Variants in LRRC9 observed in about 807,000 individuals in gnomAD.
LRRC9 encodes leucine-rich repeat-containing protein 9.
LRRC9 carries 122 observed loss-of-function variants against 63.2 expected under a neutral mutation model. The ratio of observed to expected loss-of-function variants is 1.93; its 90% CI spans 1.67 to 2.24. LRRC9 has a LOEUF of 2.24. Ranked by LOEUF, LRRC9 falls within the 30% of genes most tolerant of loss-of-function variation. LRRC9 has a pLI of 0.00. For synonymous variants in LRRC9, 366 were observed against 213.1 expected (o/e 1.72, Z -6.25); for missense variants, 1,071 against 627.7 (o/e 1.71, Z -7.55).
rs140525122 is a variant in LRRC9, at chr14:60,053,383, T to TCACACACACACA, written c.4131+205_4131+216dup. Among the ~76,000 whole-genome samples the TCACACACACACA allele has an allele frequency of 1.7e-4, 15 of 85,720 alleles. No homozygotes were observed. The highest frequency in any genetic ancestry group is 4.6e-4 in the Admixed American group (3 of 6,478). 56.2% of individuals were successfully genotyped at this position (85,720 alleles called of 152,430 possible). A position where few individuals can be genotyped will look rare whatever the true frequency, so the allele number is the denominator to read the frequency against. On this transcript the variant is annotated intron_variant, in intron 30 of 31. Transcript: ENST00000445360. The surrounding 1 kb of genome is among the most constrained non-coding windows in gnomAD (Gnocchi z 4.8). ...GATTTGGTGAATAGAGCATGCGTGC[T>TCACACACACACA]CACACACACACACACACACACACAC...
intron 29 of LRRC9, among the ~76,000 whole-genome samples, chr14:60,035,756 A>C (rs1163395591): frequency 6.6e-6 from 1 of 152,140 alleles, no homozygotes; most frequent in Non-Finnish European, 1.5e-5. Context: ...TTGTAATAAA[A>C]TTTGAAGTCA....
chr14:59,940,708 T>A (rs562440418), intron 7 of LRRC9, among the ~76,000 whole-genome samples: 1 of 152,264 alleles, frequency 6.6e-6, no homozygotes, highest in African/African-American at 2.4e-5. Flanking sequence ...CCATTTTAAT[T>A]GTTAAGTAGT....
At position 59,927,986 on chromosome 14, in the gene LRRC9, G is replaced by A. The variant is rs530100468; in HGVS notation, c.43G>A (p.Glu15Lys). The A allele has an allele frequency of 1.3e-4, 90 of 682,726 alleles. No individual in the cohort carries two copies. Among genetic ancestry groups the A allele is most frequent in the Admixed American group, 1.1e-3 (50 of 46,738 alleles). The allele number at this position is 682,726 out of a possible 1,614,324, so 42.3% of individuals were successfully genotyped here. The change falls in exon 2 of 32, where the codon GAA becomes AAA. Residue 15 changes from glutamate (E) to lysine (K), a missense_variant. Physicochemically the swap from Glu to Lys is moderately conservative, Grantham distance 56. Coordinates refer to ENST00000445360, the Ensembl canonical transcript of LRRC9. The surrounding 1 kb of genome is among the most constrained non-coding windows in gnomAD (Gnocchi z 4.4). ...CCTAAACCAAGAAGAAATAATTAAA[G>A]AACTGGTGAGTCAAAGTCAAATTTC... is the stretch of plus-strand genomic sequence containing the variant.
chr14:59,980,825 C>T lies in LRRC9; in HGVS notation c.1879-1023C>T, dbSNP rs542370786. On this transcript the variant is annotated intron_variant, in intron 15 of 31. Coordinates refer to ENST00000445360, the Ensembl canonical transcript of LRRC9. ...AACAGATAGAAGTTCATTTAACTCA[C>T]ATAACAACTCAAGAGATGGGCAATA... 8.8e-4 allele frequency among the ~76,000 whole-genome samples: 134 copies of T among 152,290 alleles called. 1 individual carries two copies. Among genetic ancestry groups the T allele is most frequent in the African/African-American group, 3.2e-3 (131 of 41,564 alleles).
In LRRC9 at chr14:60,060,679, T is replaced by G. The variant is rs893765226; in HGVS notation, c.4277-2644T>G. Among the ~76,000 whole-genome samples, 2 of 152,154 alleles carry G rather than the reference T, an allele frequency of 1.3e-5. No homozygotes were observed. Among genetic ancestry groups the G allele is most frequent in the African/African-American group, 4.8e-5 (2 of 41,440 alleles). On this transcript the variant is annotated intron_variant, in intron 31 of 31. Transcript: ENST00000445360. This position sits in a 1 kb window ranked among gnomAD's most constrained non-coding sequence, Gnocchi z 4.0. ...TGGCATGAACCTGGGAGGCGGAGCT[T>G]GCAGTGAACCGAGATCGCGCCACTG...
At chr14:59,975,831 C>T (rs1009648572) in intron 13 of LRRC9, among the ~76,000 whole-genome samples, 4 of 152,142 alleles carry the variant, frequency 2.6e-5, no homozygotes, top group African/African-American at 2.4e-5. Context: ...CTCAACCATC[C>T]GACCTACTAA....
chr14:59,984,195 C>A (rs149231835), intron 16 of LRRC9, among the ~76,000 whole-genome samples: 171 of 152,262 alleles, frequency 1.1e-3, no homozygotes, highest in African/African-American at 3.8e-3. Flanking sequence ...ATGGATGATA[C>A]CCATATGTGA....
In LRRC9 at chr14:59,967,274, GT is replaced by G. The variant is rs2140002776; in HGVS notation, c.1506+63del. ...CCTAGCAAGTGGAGCTCTGCCGCTG[GT>G]TAAGCATGATTTCCCAATCCTTTTA... On this transcript the variant is annotated intron_variant, in intron 12 of 31. Coordinates refer to ENST00000445360, the Ensembl canonical transcript of LRRC9. 10 of 506,146 alleles carry G rather than the reference GT, an allele frequency of 2.0e-5. No individual in the cohort carries two copies. In the South Asian group the frequency reaches 3.3e-4, roughly 17 times the overall value. The allele number at this position is 506,146 out of a possible 1,614,324, so 31.4% of individuals were successfully genotyped here.
rs189311591 is a variant in LRRC9 at position 59,968,691 on chromosome 14, G to A, written c.1506+1478G>A. 6.0e-4 allele frequency among the ~76,000 whole-genome samples: 91 copies of A among 152,258 alleles called. 1 individual carries two copies. The highest frequency in any genetic ancestry group is 1.9e-3 in the African/African-American group (81 of 41,554). ...AAGGCAGAGTGAATTGCTCACATTC[G>A]GTCCAGAGAACTATGAACCATTATC... On this transcript the variant is annotated intron_variant, in intron 12 of 31. Coordinates refer to ENST00000445360, the Ensembl canonical transcript of LRRC9.
intron 29 of LRRC9, 107 bp downstream of exon 29, chr14:60,032,170 T>A (rs79057371): frequency 6.9e-6 from 4 of 577,368 alleles, no homozygotes; most frequent in Non-Finnish European, 1.2e-5. Flanking sequence ...TCTGTATGCA[T>A]AGCCAGTCAT....
At chr14:59,965,423 T>G (rs766639561) in intron 10 of LRRC9, among the ~76,000 whole-genome samples, 47 of 152,174 alleles carry the variant, frequency 3.1e-4, no homozygotes, top group Non-Finnish European at 6.0e-4. Flanking sequence ...TAGGCTTCAT[T>G]AGAGCAGACA....
At chr14:60,025,013 G>A (rs974585667) in intron 27 of LRRC9, among the ~76,000 whole-genome samples, 3 of 151,710 alleles carry the variant, frequency 2.0e-5, no homozygotes, top group South Asian at 2.1e-4. Flanking sequence ...CTTTTTTATG[G>A]CTGTGACAGA....
chr14:60,037,009 T>C lies in LRRC9; in HGVS notation c.3990+4946T>C, dbSNP rs568939986. On this transcript the variant is annotated intron_variant, in intron 29 of 31. Transcript: ENST00000445360. The stretch of plus-strand genomic sequence containing the variant: ...CAATTCCCACCTATGAGTGAGAACA[T>C]GTGGTGTTTGGTTTTCTGTCCTTGC... Among the ~76,000 whole-genome samples, 6 of 152,176 alleles carry C rather than the reference T, an allele frequency of 3.9e-5. No individual in the cohort carries two copies. The South Asian group carries it at 8.3e-4, about 21-fold the overall frequency.
At chr14:60,037,968 T>A (rs1252135822) in intron 29 of LRRC9, among the ~76,000 whole-genome samples, 3 of 152,248 alleles carry the variant, frequency 2.0e-5, no homozygotes, top group Admixed American at 6.5e-5. Flanking sequence ...GGATCCAGTT[T>A]CAGCTTTCTC....
At chr14:59,996,412 A>G (rs906118815) in intron 17 of LRRC9, among the ~76,000 whole-genome samples, 24 of 152,306 alleles carry the variant, frequency 1.6e-4, no homozygotes, top group African/African-American at 5.8e-4. Flanking sequence ...TTCTATCCCA[A>G]CAATAAGAAT....
At position 59,944,578 on chromosome 14, in the gene LRRC9, C is replaced by A. The variant is rs188572301; in HGVS notation, c.727-11C>A. 7 of 542,146 alleles carry A rather than the reference C, an allele frequency of 1.3e-5. No homozygotes were observed. The highest frequency in any genetic ancestry group is 2.0e-5 in the African/African-American group (1 of 50,856). 33.6% of individuals were successfully genotyped at this position (542,146 alleles called of 1,614,324 possible). A position where few individuals can be genotyped will look rare whatever the true frequency, so the allele number is the denominator to read the frequency against. On this transcript the variant is annotated splice_polypyrimidine_tract_variant and intron_variant, in intron 7 of 31. Coordinates refer to ENST00000445360, the Ensembl canonical transcript of LRRC9. Reference sequence around the variant, plus strand: ...TAGCTAATTTTTTGTTGTTTTCTTTCTTACTTTTAGACCACAGCAATGAAA... The same window carrying A: ...TAGCTAATTTTTTGTTGTTTTCTTTATTACTTTTAGACCACAGCAATGAAA...
Position 60,051,539 on chromosome 14 carries a change from C to T in LRRC9, c.3991-1526C>T, listed in dbSNP as rs1442079196. 6.6e-6 allele frequency among the ~76,000 whole-genome samples: 1 copy of T among 152,166 alleles called. No homozygotes were observed. The highest frequency in any genetic ancestry group is 1.5e-5 in the Non-Finnish European group (1 of 68,034). ...GACTCATCCTTCCCCCAGGAACTGC[C>T]TCTGGTTTCAGGCAGACTCAGCCTA... On this transcript the variant is annotated intron_variant, in intron 29 of 31. Transcript: ENST00000445360. This position sits in a 1 kb window ranked among gnomAD's most constrained non-coding sequence, Gnocchi z 4.7.
rs559154193 is a variant in LRRC9, at chr14:60,003,715, A to T, written c.2759A>T (p.Asn920Ile). Residue 920 changes from asparagine (N) to isoleucine (I), a missense_variant, in exon 21 of 32, where the codon AAT becomes ATT. Asn to Ile is a moderately radical substitution (Grantham distance 149). Transcript: ENST00000445360. The surrounding 1 kb of genome is among the most constrained non-coding windows in gnomAD (Gnocchi z 4.2). Reference sequence around the variant, plus strand: ...AAATGGGCATCATTCAGCAATAATAATCTCACTAAAATGGAGGGTCTGGAA... The same window carrying T: ...AAATGGGCATCATTCAGCAATAATATTCTCACTAAAATGGAGGGTCTGGAA... 3.7e-5 allele frequency: 26 copies of T among 697,044 alleles called. No homozygotes were observed. In the East Asian group the frequency reaches 7.0e-4, roughly 19 times the overall value. The allele number at this position is 697,044 out of a possible 1,614,324, so 43.2% of individuals were successfully genotyped here. A position where few individuals can be genotyped will look rare whatever the true frequency, so the allele number is the denominator to read the frequency against.
At position 59,997,405 on chromosome 14, in the gene LRRC9, A is replaced by G. The variant is rs140638432; in HGVS notation, c.2212-251A>G. Among the ~76,000 whole-genome samples, 6 of 152,174 alleles carry G rather than the reference A, an allele frequency of 3.9e-5. No individual in the cohort carries two copies. The East Asian group carries it at 9.6e-4, about 24-fold the overall frequency. ...ACAGTTTCTTTATGTCTTCTCTCCT[A>G]TGAAAACAGACATTGCCACTCGGTG... On this transcript the variant is annotated intron_variant, in intron 17 of 31. Coordinates refer to ENST00000445360, the Ensembl canonical transcript of LRRC9.
Sources: allele counts gnomAD v4.1 joint callset (sites outside exome capture counted in the v4.1 genomes callset), GRCh38; gene constraint gnomAD v4.1.1; non-coding constraint Gnocchi (gnomAD v3.1); transcripts MANE v1.5; gene names NCBI Gene and HGNC (gene_info 2026-07-23, HGNC 2026-07-21).